Variants in PTPRD observed in about 807,000 individuals in gnomAD.
The protein encoded by PTPRD is protein tyrosine phosphatase receptor type D, also known as receptor-type tyrosine-protein phosphatase delta.
A neutral mutation model predicts 214.5 loss-of-function variants in PTPRD; 34 were observed. That is an observed-to-expected ratio of 0.16 (90% CI 0.12 to 0.21). The LOEUF is 0.21. PTPRD is among the 10% of genes least tolerant of loss of function. The pLI is 1.00. For synonymous variants in PTPRD, 1,128 were observed against 845.7 expected, an observed-to-expected ratio of 1.33 and a Z score of -5.79; for missense variants, 2,545 against 2,398.7, an observed-to-expected ratio of 1.06 and a Z score of -1.27.
At chr9:8,864,459 A>C (rs1223860374) in intron 11 of PTPRD, among the ~76,000 whole-genome samples, 4 of 152,218 alleles carry the variant, frequency 2.6e-5, no homozygotes, top group African/African-American at 9.6e-5. Flanking sequence ...GTAAAACACG[A>C]AGCACAGCAG....
At chr9:8,709,711 A>G (rs2098288689) in intron 12 of PTPRD, among the ~76,000 whole-genome samples, 2 of 151,740 alleles carry the variant, frequency 1.3e-5, no homozygotes, top group South Asian at 2.1e-4. Context: ...CTGTCAATAT[A>G]AAAAAATTAA....
At chr9:8,801,518 A>C (rs578202544) in intron 11 of PTPRD, among the ~76,000 whole-genome samples, 27 of 152,290 alleles carry the variant, frequency 1.8e-4, no homozygotes, top group African/African-American at 6.0e-4. Flanking sequence ...GGAGTTTGAG[A>C]CCAGCCTGAC....
intron 2 of PTPRD, among the ~76,000 whole-genome samples, chr9:10,347,243 T>C (rs2097100380): frequency 6.6e-6 from 1 of 152,096 alleles, no homozygotes; most frequent in South Asian, 2.1e-4. Flanking sequence ...TGAGCATATT[T>C]TGTTTTTCCT....
intron 12 of PTPRD, among the ~76,000 whole-genome samples, chr9:8,668,949 C>T (rs2097221954): frequency 6.6e-6 from 1 of 152,152 alleles, no homozygotes. Context: ...ACAAGTACCT[C>T]CCCTCAGCCT....
chr9:8,534,142 C>T (rs1005998432), intron 14 of PTPRD, among the ~76,000 whole-genome samples: 7 of 151,992 alleles, frequency 4.6e-5, no homozygotes, highest in African/African-American at 1.7e-4. Context: ...ATCACGGTTG[C>T]TATGTGAGAA....
At chr9:9,127,724 G>T (rs751387969) in intron 10 of PTPRD, among the ~76,000 whole-genome samples, 1 of 152,052 alleles carries the variant, frequency 6.6e-6, no homozygotes, top group Non-Finnish European at 1.5e-5. Flanking sequence ...ATATATACAT[G>T]TATCAGTCTT....
At chr9:9,906,634 A>T (rs1460763343) in intron 5 of PTPRD, among the ~76,000 whole-genome samples, 2 of 151,950 alleles carry the variant, frequency 1.3e-5, no homozygotes, top group African/African-American at 4.8e-5. Context: ...TTCATTTATG[A>T]TGTTTTAACT....
chr9:10,238,506 G>C (rs910089076), intron 3 of PTPRD, among the ~76,000 whole-genome samples: 4 of 151,806 alleles, frequency 2.6e-5, no homozygotes, highest in African/African-American at 9.7e-5. Context: ...GCTCCAGAAT[G>C]CAATTCTTGC....
At position 9,629,238 on chromosome 9, in the gene PTPRD, G is replaced by GTGTGTATATATATATATATATATATA. The variant is rs149327972; in HGVS notation, c.-286-54458_-286-54457insTATATATATATATATATATATACACA. Among the ~76,000 whole-genome samples, 484 of 140,146 alleles carry GTGTGTATATATATATATATATATATA rather than the reference G, an allele frequency of 3.5e-3. 7 individuals carry two copies. Among genetic ancestry groups the GTGTGTATATATATATATATATATATA allele is most frequent in the African/African-American group, 0.013 (460 of 35,332 alleles). 91.9% of individuals were successfully genotyped at this position (140,146 alleles called of 152,430 possible). On this transcript the variant is annotated intron_variant, in intron 7 of 45. Transcript: ENST00000381196. ...TGGGGAGATATATATGTGTGTGTGT[G>GTGTGTATATATATATATATATATATA]TATATATATATATATATATGAACAC...
chr9:8,763,868 CT>C (rs922103097), intron 11 of PTPRD, among the ~76,000 whole-genome samples: 1 of 152,062 alleles, frequency 6.6e-6, no homozygotes, highest in Non-Finnish European at 1.5e-5. Flanking sequence ...AATGTATTTC[CT>C]TTTTAAAAAT....
chr9:10,099,396 A>G (rs895074097), intron 3 of PTPRD, among the ~76,000 whole-genome samples: 7 of 151,900 alleles, frequency 4.6e-5, no homozygotes, highest in African/African-American at 1.7e-4. Flanking sequence ...TAAGCAAATT[A>G]ATGTAGGAAT....
At chr9:10,502,316 C>A (rs1428879626) in intron 2 of PTPRD, among the ~76,000 whole-genome samples, 3 of 151,468 alleles carry the variant, frequency 2.0e-5, no homozygotes, top group African/African-American at 7.3e-5. Context: ...GGAGAAAGAA[C>A]ATATAAAATT....
chr9:10,144,476 T>C (rs994870429), intron 3 of PTPRD, among the ~76,000 whole-genome samples: 1 of 152,048 alleles, frequency 6.6e-6, no homozygotes, highest in East Asian at 1.9e-4. Context: ...TGCTCTTAGG[T>C]AGGATGAATA....
intron 11 of PTPRD, among the ~76,000 whole-genome samples, chr9:8,747,863 G>C (rs1173681272): frequency 6.6e-6 from 1 of 152,158 alleles, no homozygotes; most frequent in African/African-American, 2.4e-5. Context: ...CCTGTAAAGT[G>C]TGCCAAAGAA....
At chr9:10,241,265 G>A (rs918721456) in intron 3 of PTPRD, among the ~76,000 whole-genome samples, 4 of 151,904 alleles carry the variant, frequency 2.6e-5, no homozygotes, top group African/African-American at 9.7e-5. Flanking sequence ...GTAAAATGGT[G>A]CAGAAATTTT....
chr9:10,353,633 A>T (rs1389060591), intron 2 of PTPRD, among the ~76,000 whole-genome samples: 1 of 151,988 alleles, frequency 6.6e-6, no homozygotes, highest in Non-Finnish European at 1.5e-5. Flanking sequence ...AAATAAGATT[A>T]GAGAGTCAAA....
chr9:8,568,286 G>C (rs552679611), intron 14 of PTPRD, among the ~76,000 whole-genome samples: 1 of 152,028 alleles, frequency 6.6e-6, no homozygotes, highest in Admixed American at 6.6e-5. Context: ...ATTAAACCAG[G>C]ACCAAGAATT....
At chr9:10,143,463 G>T (rs1209582229) in intron 3 of PTPRD, among the ~76,000 whole-genome samples, 1 of 151,924 alleles carries the variant, frequency 6.6e-6, no homozygotes, top group African/African-American at 2.4e-5. Context: ...TGTTGGTGGG[G>T]ATCTAACTTA....
chr9:8,348,425 A>G (rs192085058), intron 39 of PTPRD, among the ~76,000 whole-genome samples: 1 of 152,190 alleles, frequency 6.6e-6, no homozygotes, highest in Non-Finnish European at 1.5e-5. Flanking sequence ...TATGACCAAC[A>G]ACTTGGTTTT....
Sources: gnomAD v4.1 joint callset for allele counts (sites outside exome capture counted in the v4.1 genomes callset) on GRCh38, gnomAD v4.1.1 for gene constraint, MANE v1.5 for transcripts, NCBI Gene and HGNC (gene_info 2026-07-23, HGNC 2026-07-21) for gene names.